PRICKLE1: variants seen among roughly 807,000 people sequenced by gnomAD.
PRICKLE1 encodes prickle planar cell polarity protein 1.
Under a neutral mutation model 70.2 loss-of-function variants are expected in PRICKLE1, and 14 were observed. The ratio of observed to expected loss-of-function variants is 0.20; its 90% CI spans 0.13 to 0.31. PRICKLE1 has a LOEUF of 0.31. PRICKLE1 is among the 10% of genes least tolerant of loss of function. The probability of loss-of-function intolerance (pLI) is 1.00; values close to 1 mark genes in which losing one functional copy is unlikely to be tolerated. For synonymous variants in PRICKLE1, 357 were observed against 379.9 expected (o/e 0.94, Z 0.70); for missense variants, 821 against 1,026.2 (o/e 0.80, Z 2.73).
rs1939492289 is a variant in PRICKLE1 at position 42,510,494 on chromosome 12, G to C, written c.-48-37930C>G. Among the ~76,000 whole-genome samples, 3 of 152,184 alleles carry C rather than the reference G, an allele frequency of 2.0e-5. 1 individual carries two copies. The highest frequency in any genetic ancestry group is 2.0e-4 in the Admixed American group (3 of 15,284). On this transcript the variant is annotated intron_variant, in intron 1 of 7. Transcript: ENST00000345127. Reference sequence around the variant, plus strand: ...GAACTGCTTAAGGCCAGGAGTTTGAGGACCAACCTGGGCAACATAGCAAGA... The same window carrying C: ...GAACTGCTTAAGGCCAGGAGTTTGACGACCAACCTGGGCAACATAGCAAGA...
intron 1 of PRICKLE1, among the ~76,000 whole-genome samples, chr12:42,560,449 G>A (rs1263568392): frequency 6.6e-6 from 1 of 151,708 alleles, no homozygotes; most frequent in Non-Finnish European, 1.5e-5. Flanking sequence ...TAATTATTTG[G>A]GTATTTACAT....
intron 1 of PRICKLE1, among the ~76,000 whole-genome samples, chr12:42,477,482 G>A (rs7358717): frequency 5.0e-4 from 58 of 116,362 alleles, no homozygotes; most frequent in South Asian, 6.3e-4. Flanking sequence ...GTGTGTGTGT[G>A]TATATATATA....
rs1395144875 is a variant in PRICKLE1, at chr12:42,458,817, A to G, written c.*992T>C. 1 of 152,386 alleles carries G rather than the reference A, an allele frequency of 6.6e-6. No homozygotes were observed. Among genetic ancestry groups the G allele is most frequent in the Non-Finnish European group, 1.5e-5 (1 of 68,170 alleles). 9.4% of individuals were successfully genotyped at this position (152,386 alleles called of 1,614,324 possible). A position where few individuals can be genotyped will look rare whatever the true frequency, so the allele number is the denominator to read the frequency against. ...AACAGCTTCTACTTGTTTTTACCAT[A>G]TATTCCAGGGGTTATGTGTGTGGAG... On this transcript the variant is annotated 3_prime_UTR_variant, in exon 8 of 8. Coordinates refer to ENST00000345127, the MANE Select transcript of PRICKLE1 (RefSeq NM_153026.3).
rs149616217 is a variant in PRICKLE1, at chr12:42,510,799, T to A, written c.-48-38235A>T. Reference sequence around the variant, plus strand: ...TACGGAAGAGCTTGAAAAACCTTTATGTATGTGCCTAGTAAGGACACTAAC... The same window carrying A: ...TACGGAAGAGCTTGAAAAACCTTTAAGTATGTGCCTAGTAAGGACACTAAC... On this transcript the variant is annotated intron_variant, in intron 1 of 7. Coordinates refer to ENST00000345127, the MANE Select transcript of PRICKLE1 (RefSeq NM_153026.3). 2.7e-4 allele frequency among the ~76,000 whole-genome samples: 41 copies of A among 152,344 alleles called. No individual in the cohort carries two copies. In the East Asian group the frequency reaches 5.4e-3, roughly 20 times the overall value.
intron 1 of PRICKLE1, among the ~76,000 whole-genome samples, chr12:42,508,721 G>C (rs1212566733): frequency 6.6e-6 from 1 of 152,168 alleles, no homozygotes; most frequent in Non-Finnish European, 1.5e-5. Context: ...CAGTGGAAAG[G>C]AAGAAGGGGA....
At chr12:42,545,989 A>G (rs1046849307) in intron 1 of PRICKLE1, among the ~76,000 whole-genome samples, 1 of 151,948 alleles carries the variant, frequency 6.6e-6, no homozygotes, top group African/African-American at 2.4e-5. Flanking sequence ...TTTTTCAAGT[A>G]ATTTCTTAAT....
chr12:42,474,873 T>C (rs932321895), intron 1 of PRICKLE1, among the ~76,000 whole-genome samples: 85 of 152,220 alleles, frequency 5.6e-4, no homozygotes, highest in African/African-American at 1.9e-3. Flanking sequence ...AAATATTAAA[T>C]AGAACCTAAA....
chr12:42,548,249 T>G (rs1454229343), intron 1 of PRICKLE1, among the ~76,000 whole-genome samples: 1 of 152,186 alleles, frequency 6.6e-6, no homozygotes, highest in African/African-American at 2.4e-5. Flanking sequence ...TGTGGAATTT[T>G]CTATTTGTGG....
At chr12:42,576,405 C>T (rs1940807308) in intron 1 of PRICKLE1, among the ~76,000 whole-genome samples, 1 of 152,192 alleles carries the variant, frequency 6.6e-6, no homozygotes. Flanking sequence ...TACCCTGGAG[C>T]GCTAGCCTCC....
intron 1 of PRICKLE1, among the ~76,000 whole-genome samples, chr12:42,494,997 C>T (rs1408611806): frequency 6.6e-6 from 1 of 150,716 alleles, no homozygotes; most frequent in Non-Finnish European, 1.5e-5. Context: ...TGGGCTCAAG[C>T]AATCCTCCTG....
chr12:42,481,697 T>C (rs1199583035), intron 1 of PRICKLE1, among the ~76,000 whole-genome samples: 1 of 152,240 alleles, frequency 6.6e-6, no homozygotes, highest in East Asian at 1.9e-4. Context: ...TACAGACTAA[T>C]TTAGCAGTAC....
rs552392019 is a variant in PRICKLE1 at position 42,589,296 on chromosome 12, A to G, written c.-49+169T>C. On this transcript the variant is annotated intron_variant, in intron 1 of 7. Coordinates refer to ENST00000345127, the MANE Select transcript of PRICKLE1 (RefSeq NM_153026.3). This position sits in a 1 kb window ranked among gnomAD's most constrained non-coding sequence, Gnocchi z 5.0. ...TTTCCCTGTCTACACAGCCCAACAA[A>G]CCGATTATGACCTTCTCCCTGATCT... is the stretch of plus-strand genomic sequence containing the variant. 24 of 152,144 alleles carry G rather than the reference A, an allele frequency of 1.6e-4. No homozygotes were observed. Among genetic ancestry groups the G allele is most frequent in the African/African-American group, 5.8e-4 (24 of 41,470 alleles). 9.4% of individuals were successfully genotyped at this position (152,144 alleles called of 1,614,324 possible).
At chr12:42,549,119 CAA>C (rs34355848) in intron 1 of PRICKLE1, among the ~76,000 whole-genome samples, 6 of 53,966 alleles carry the variant, frequency 1.1e-4, no homozygotes, top group African/African-American at 9.4e-5. Flanking sequence ...ACCCTGTCTC[CAA>C]AAAAAAAAAA....
intron 2 of PRICKLE1, among the ~76,000 whole-genome samples, chr12:42,470,767 G>T (rs568822321): frequency 6.6e-6 from 1 of 152,096 alleles, no homozygotes; most frequent in Non-Finnish European, 1.5e-5. Context: ...TTAGCTGGGC[G>T]TGGTGATGCA....
At chr12:42,545,282 G>C (rs1277533205) in intron 1 of PRICKLE1, among the ~76,000 whole-genome samples, 3 of 152,162 alleles carry the variant, frequency 2.0e-5, no homozygotes, top group African/African-American at 7.2e-5. Context: ...TGGGATTACA[G>C]GTGTGAGCCA....
At chr12:42,564,024 C>T (rs978044642) in intron 1 of PRICKLE1, among the ~76,000 whole-genome samples, 4 of 151,126 alleles carry the variant, frequency 2.6e-5, no homozygotes, top group East Asian at 2.0e-4. Context: ...TTTGGGAGGC[C>T]GAGGTGGGCA....
chr12:42,500,426 A>C (rs1057380457), intron 1 of PRICKLE1, among the ~76,000 whole-genome samples: 7 of 152,180 alleles, frequency 4.6e-5, no homozygotes, highest in African/African-American at 7.2e-5. Context: ...CAAAGACAGC[A>C]CTCTTGGATG....
intron 1 of PRICKLE1, among the ~76,000 whole-genome samples, chr12:42,527,178 G>T (rs1939820247): frequency 1.5e-5 from 2 of 134,298 alleles, no homozygotes; most frequent in Non-Finnish European, 3.1e-5. Context: ...TGTAGCCCCG[G>T]ATGGAGTGCA....
At chr12:42,502,982 T>C (rs914309576) in intron 1 of PRICKLE1, among the ~76,000 whole-genome samples, 3 of 152,220 alleles carry the variant, frequency 2.0e-5, no homozygotes, top group Non-Finnish European at 4.4e-5. Flanking sequence ...GGCCATCTTG[T>C]AATATTTTAA....
Sources: gnomAD v4.1 joint callset for allele counts (sites outside exome capture counted in the v4.1 genomes callset) on GRCh38, gnomAD v4.1.1 for gene constraint, Gnocchi (gnomAD v3.1) non-coding constraint, MANE v1.5 for transcripts, NCBI Gene and HGNC (gene_info 2026-07-23, HGNC 2026-07-21) for gene names.